The following DUSP19 variants were observed in gnomAD, a reference collection of about 807,000 sequenced individuals.
The protein encoded by DUSP19 is dual specificity phosphatase 19.
In DUSP19, 14 loss-of-function variants were observed where a neutral mutation model predicts 16.6. The ratio of observed to expected loss-of-function variants is 0.84; its 90% CI spans 0.56 to 1.32. DUSP19 has a LOEUF of 1.32. Ranked by LOEUF, DUSP19 falls within the 40% of genes most tolerant of loss-of-function variation. The pLI is 0.00. For missense variants in DUSP19, 258 were observed against 255.9 expected (o/e 1.01, Z -0.06); for synonymous variants, 81 against 90.5 (o/e 0.90, Z 0.59).
At chr2:183,089,281 G>A (rs1009658235) in intron 3 of DUSP19, among the ~76,000 whole-genome samples, 1 of 152,144 alleles carries the variant, frequency 6.6e-6, no homozygotes, top group African/African-American at 2.4e-5. Flanking sequence ...TATTCAGCAG[G>A]TACAGCTACT....
At chr2:183,090,920 G>T (rs1331019733) in intron 3 of DUSP19, among the ~76,000 whole-genome samples, 3 of 152,194 alleles carry the variant, frequency 2.0e-5, no homozygotes, top group Non-Finnish European at 2.9e-5. Flanking sequence ...GGAGGGGAGG[G>T]CTGACGGGGT....
chr2:183,086,972 C>A, intron 2 of DUSP19, 68 bp from the exon 3 acceptor site: 1 of 1,483,554 alleles, frequency 6.7e-7, no homozygotes, highest in African/African-American at 1.4e-5. Flanking sequence ...ATATCAACAC[C>A]CCAGTCTCTT....
chr2:183,091,766 A>G (rs767509796), intron 3 of DUSP19, among the ~76,000 whole-genome samples: 13 of 152,246 alleles, frequency 8.5e-5, no homozygotes, highest in Non-Finnish European at 1.6e-4. Flanking sequence ...TTGCAAAGGC[A>G]GTAGCCCCCG....
chr2:183,099,464 C>G lies in DUSP19; in HGVS notation c.*3806C>G, dbSNP rs1699846044. ...ATGCATAAAATGACATTATAATCAA[C>G]AAACTTATGGTTTGTTTCAATTGAT... On this transcript the variant is annotated 3_prime_UTR_variant, in exon 4 of 4. Transcript: ENST00000354221. 6.6e-6 allele frequency: 1 copy of G among 152,136 alleles called. No individual in the cohort carries two copies. Among genetic ancestry groups the G allele is most frequent in the African/African-American group, 2.4e-5 (1 of 41,434 alleles). 9.4% of individuals were successfully genotyped at this position (152,136 alleles called of 1,614,324 possible). A position where few individuals can be genotyped will look rare whatever the true frequency, so the allele number is the denominator to read the frequency against.
At position 183,096,802 on chromosome 2, in the gene DUSP19, G is replaced by A. The variant is rs1022525254; in HGVS notation, c.*1144G>A. On this transcript the variant is annotated 3_prime_UTR_variant, in exon 4 of 4. Transcript: ENST00000354221. ...TTCTACCAGAGAACATATTTTTTAG[G>A]GGAGAAGGGTTATGGTTTTGTAAGA... 7 of 152,136 alleles carry A rather than the reference G, an allele frequency of 4.6e-5. No homozygotes were observed. The highest frequency in any genetic ancestry group is 8.8e-5 in the Non-Finnish European group (6 of 67,938). 9.4% of individuals were successfully genotyped at this position (152,136 alleles called of 1,614,324 possible). A position where few individuals can be genotyped will look rare whatever the true frequency, so the allele number is the denominator to read the frequency against.
At chr2:183,091,401 C>T (rs1345732814) in intron 3 of DUSP19, among the ~76,000 whole-genome samples, 2 of 152,060 alleles carry the variant, frequency 1.3e-5, no homozygotes, top group African/African-American at 4.8e-5. Flanking sequence ...AAGCACACTC[C>T]ACAGTGTCGG....
Position 183,078,972 on chromosome 2 carries a change from G to T in DUSP19, c.39G>T (p.Arg13=). ...ACCAGGAAATTAAAGCATTCTCCCGGAATAATCTCAGGAAGCAATGCACCA... is the reference window on the plus strand; with the variant it reads ...ACCAGGAAATTAAAGCATTCTCCCGTAATAATCTCAGGAAGCAATGCACCA... ...SLNQEIKAFS[R]NNLRKQCTRV... is the part of the protein sequence containing the mutation. Residue 13 remains arginine (R), a synonymous_variant, in exon 1 of 4, where the codon CGG becomes CGT. Transcript: ENST00000354221. The T allele has an allele frequency of 6.2e-7, 1 of 1,614,128 alleles. No individual in the cohort carries two copies. The highest frequency in any genetic ancestry group is 2.2e-5 in the East Asian group (1 of 44,888).
chr2:183,079,858 T>C (rs1386878446), intron 1 of DUSP19, among the ~76,000 whole-genome samples: 1 of 152,240 alleles, frequency 6.6e-6, no homozygotes, highest in Non-Finnish European at 1.5e-5. Context: ...GTCTGAATTA[T>C]TTCTATTTAT....
chr2:183,094,041 A>G (rs1178937868), intron 3 of DUSP19, among the ~76,000 whole-genome samples: 1 of 152,194 alleles, frequency 6.6e-6, no homozygotes, highest in Non-Finnish European at 1.5e-5. Context: ...TTTCTTATAT[A>G]GAAACTGTTG....
chr2:183,087,503 A>G (rs1280234514), intron 3 of DUSP19, among the ~76,000 whole-genome samples: 1 of 152,222 alleles, frequency 6.6e-6, no homozygotes, highest in African/African-American at 2.4e-5. Context: ...TTTTAGCAGT[A>G]AAATTTTAAG....
intron 3 of DUSP19, among the ~76,000 whole-genome samples, chr2:183,088,941 T>C (rs1421281117): frequency 6.6e-6 from 1 of 152,190 alleles, no homozygotes; most frequent in Non-Finnish European, 1.5e-5. Context: ...TTAGAAGAGA[T>C]GTAAATGTTG....
In DUSP19 at chr2:183,085,021, G is replaced by A. The variant is rs757433668; in HGVS notation, c.273+1467G>A. On this transcript the variant is annotated intron_variant, in intron 2 of 3. Coordinates refer to ENST00000354221, the MANE Select transcript of DUSP19 (RefSeq NM_080876.4). ...ATCGTTCCATGAGATTGAAAGCAACGTAGAAGGAACAGGCTTTGAAGGAGA... is the reference window on the plus strand; with the variant it reads ...ATCGTTCCATGAGATTGAAAGCAACATAGAAGGAACAGGCTTTGAAGGAGA... Among the ~76,000 whole-genome samples the A allele has an allele frequency of 6.6e-5, 10 of 152,282 alleles. No individual in the cohort carries two copies. In the Middle Eastern group the frequency reaches 0.014, roughly 207 times the overall value.
At chr2:183,086,651 GAAAAAAAAAA>G (rs71008262) in intron 2 of DUSP19, among the ~76,000 whole-genome samples, 1 of 95,710 alleles carries the variant, frequency 1.0e-5, no homozygotes, top group African/African-American at 3.9e-5. Context: ...CCTCTTCTCT[GAAAAAAAAAA>G]AAAAAAAAAA....
In DUSP19 at chr2:183,095,858, ATG is replaced by A; in HGVS notation, c.*205_*206del. On this transcript the variant is annotated 3_prime_UTR_variant, in exon 4 of 4. Coordinates refer to ENST00000354221, the MANE Select transcript of DUSP19 (RefSeq NM_080876.4). Reference sequence around the variant, plus strand: ...TCATTACTTTCTCTTTGTTATTATAATGTGTGATTAAATGCTTTTTTAAATTG... The same window carrying A: ...TCATTACTTTCTCTTTGTTATTATAATGTGATTAAATGCTTTTTTAAATTG... 2.6e-6 allele frequency: 1 copy of A among 386,124 alleles called. No individual in the cohort carries two copies. The highest frequency in any genetic ancestry group is 4.6e-6 in the Non-Finnish European group (1 of 216,478). 23.9% of individuals were successfully genotyped at this position (386,124 alleles called of 1,614,324 possible).
intron 2 of DUSP19, among the ~76,000 whole-genome samples, chr2:183,084,530 G>A (rs1045163510): frequency 4.6e-5 from 7 of 152,154 alleles, no homozygotes; most frequent in African/African-American, 1.7e-4. Flanking sequence ...AAAGTTCAGT[G>A]ACCCTGGAAT....
At chr2:183,090,672 A>G (rs1309251366) in intron 3 of DUSP19, among the ~76,000 whole-genome samples, 1 of 152,370 alleles carries the variant, frequency 6.6e-6, no homozygotes, top group South Asian at 2.1e-4. Flanking sequence ...TAAAAATAGT[A>G]TCATACAGTT....
chr2:183,088,009 C>CAACTT (rs1699683891), intron 3 of DUSP19, among the ~76,000 whole-genome samples: 1 of 152,182 alleles, frequency 6.6e-6, no homozygotes, highest in Admixed American at 6.5e-5. Context: ...CTATTCAATT[C>CAACTT]TACTGTTCAT....
Position 183,095,428 on chromosome 2 carries a change from T to C in DUSP19, c.427-3T>C. The C allele has an allele frequency of 6.4e-7, 1 of 1,564,768 alleles. No homozygotes were observed. Among genetic ancestry groups the C allele is most frequent in the Admixed American group, 2.0e-5 (1 of 50,008 alleles). ...AGATTTTTGTTTGTTTTTTTTTTTG[T>C]AGGATGGAGTGGTTCTTGTTCATTG... is the stretch of plus-strand genomic sequence containing the variant. On this transcript the variant is annotated splice_polypyrimidine_tract_variant and splice_region_variant and intron_variant, in intron 3 of 3. Coordinates refer to ENST00000354221, the MANE Select transcript of DUSP19 (RefSeq NM_080876.4).
rs1699822577 is a variant in DUSP19 at position 183,097,811 on chromosome 2, A to G, written c.*2153A>G. 1 of 152,206 alleles carries G rather than the reference A, an allele frequency of 6.6e-6. No homozygotes were observed. The highest frequency in any genetic ancestry group is 1.5e-5 in the Non-Finnish European group (1 of 68,040). 9.4% of individuals were successfully genotyped at this position (152,206 alleles called of 1,614,324 possible). A position where few individuals can be genotyped will look rare whatever the true frequency, so the allele number is the denominator to read the frequency against. ...ATCCTGTTTAGTTTTCAGCCATTAAATGTCACATGAAGCCTTGATAGAATT... is the reference window on the plus strand; with the variant it reads ...ATCCTGTTTAGTTTTCAGCCATTAAGTGTCACATGAAGCCTTGATAGAATT... On this transcript the variant is annotated 3_prime_UTR_variant, in exon 4 of 4. Coordinates refer to ENST00000354221, the MANE Select transcript of DUSP19 (RefSeq NM_080876.4).
Sources: gnomAD v4.1 joint callset for allele counts (sites outside exome capture counted in the v4.1 genomes callset) on GRCh38, gnomAD v4.1.1 for gene constraint, MANE v1.5 for transcripts, NCBI Gene and HGNC (gene_info 2026-07-23, HGNC 2026-07-21) for gene names.